Variants in PRKAG2 observed in about 807,000 individuals in gnomAD.
PRKAG2 encodes the protein protein kinase AMP-activated non-catalytic subunit gamma 2, also known as 5'-AMP-activated protein kinase subunit gamma-2.
A neutral mutation model predicts 69.6 loss-of-function variants in PRKAG2; 26 were observed. The ratio of observed to expected loss-of-function variants is 0.37; its 90% CI spans 0.27 to 0.52. The LOEUF (loss-of-function observed/expected upper bound fraction) is 0.52. PRKAG2 is among the 20% of genes least tolerant of loss of function. The pLI is 0.90. For missense variants in PRKAG2, 557 were observed against 740.0 expected (o/e 0.75, Z 2.87); for synonymous variants, 293 against 285.0 (o/e 1.03, Z -0.28).
intron 4 of PRKAG2, among the ~76,000 whole-genome samples, chr7:151,659,616 G>A (rs183529875): frequency 5.3e-5 from 8 of 152,312 alleles, no homozygotes; most frequent in Non-Finnish European, 8.8e-5. Flanking sequence ...TTAATGCCTG[G>A]TGGGAAACAG....
chr7:151,677,734 C>T (rs1207543233), intron 3 of PRKAG2, among the ~76,000 whole-genome samples: 1 of 152,186 alleles, frequency 6.6e-6, no homozygotes, highest in East Asian at 1.9e-4. Flanking sequence ...CTGTTCCAAC[C>T]GTGTTCAAGT....
chr7:151,653,476 G>A (rs1267515872), intron 4 of PRKAG2, among the ~76,000 whole-genome samples: 2 of 152,120 alleles, frequency 1.3e-5, no homozygotes, highest in Non-Finnish European at 2.9e-5. Context: ...CAGGCTACTA[G>A]AATCCAAATC....
chr7:151,634,846 C>G (rs1317304347), intron 4 of PRKAG2, among the ~76,000 whole-genome samples: 1 of 151,864 alleles, frequency 6.6e-6, no homozygotes, highest in Non-Finnish European at 1.5e-5. Flanking sequence ...TGGCTAAAAT[C>G]ACAATAGTAA....
intron 5 of PRKAG2, among the ~76,000 whole-genome samples, chr7:151,596,990 G>A (rs1419531430): frequency 1.3e-5 from 2 of 151,796 alleles, no homozygotes; most frequent in Non-Finnish European, 2.9e-5. Context: ...TGAGCAAAAA[G>A]AACAAAGCTG....
chr7:151,642,352 A>G (rs1826874877), intron 4 of PRKAG2, among the ~76,000 whole-genome samples: 1 of 151,940 alleles, frequency 6.6e-6, no homozygotes, highest in African/African-American at 2.4e-5. Context: ...CAAACAAACA[A>G]ACAACAAACA....
Position 151,572,766 on chromosome 7 carries a change from T to G in PRKAG2, c.1006-57A>C. The stretch of plus-strand genomic sequence containing the variant: ...TACATATACAACATAGAAAAAATAT[T>G]TGGAAAATGAAACAAAACATAGCTT... On this transcript the variant is annotated intron_variant, in intron 8 of 15. Coordinates refer to ENST00000287878, the MANE Select transcript of PRKAG2 (RefSeq NM_016203.4). The G allele has an allele frequency of 4.5e-6, 5 of 1,116,766 alleles. No homozygotes were observed. In the South Asian group the frequency reaches 7.4e-5, roughly 17 times the overall value. 69.2% of individuals were successfully genotyped at this position (1,116,766 alleles called of 1,614,324 possible).
At chr7:151,866,468 C>T (rs927708403) in intron 1 of PRKAG2, among the ~76,000 whole-genome samples, 10 of 152,280 alleles carry the variant, frequency 6.6e-5, no homozygotes, top group Admixed American at 4.6e-4. Context: ...TAAAAGCACA[C>T]GTCTGGCATA....
At position 151,689,377 on chromosome 7, in the gene PRKAG2, A is replaced by C. The variant is rs943991237; in HGVS notation, c.467-13740T>G. 2.0e-5 allele frequency among the ~76,000 whole-genome samples: 3 copies of C among 152,308 alleles called. No individual in the cohort carries two copies. In the East Asian group the frequency reaches 5.8e-4, roughly 29 times the overall value. Reference sequence around the variant, plus strand: ...TGTGGGTGATGCAGGGAGGGCTTTCAGTCACCATCCCCTCCTGGAAGTGTA... The same window carrying C: ...TGTGGGTGATGCAGGGAGGGCTTTCCGTCACCATCCCCTCCTGGAAGTGTA... On this transcript the variant is annotated intron_variant, in intron 3 of 15. Transcript: ENST00000287878.
At chr7:151,710,424 ACT>A (rs1281497837) in intron 3 of PRKAG2, among the ~76,000 whole-genome samples, 1 of 152,106 alleles carries the variant, frequency 6.6e-6, no homozygotes, top group African/African-American at 2.4e-5. Flanking sequence ...CCGCTGCCAC[ACT>A]GAGGCCACAT....
chr7:151,644,156 C>G (rs1827191560), intron 4 of PRKAG2, among the ~76,000 whole-genome samples: 1 of 152,008 alleles, frequency 6.6e-6, no homozygotes, highest in Non-Finnish European at 1.5e-5. Flanking sequence ...GATGGATGCA[C>G]CAGGATCTTA....
chr7:151,714,210 G>A (rs1034433576), intron 3 of PRKAG2, among the ~76,000 whole-genome samples: 2 of 152,166 alleles, frequency 1.3e-5, no homozygotes, highest in African/African-American at 2.4e-5. Flanking sequence ...CAGAGTCAGC[G>A]CTCATTAAAC....
At chr7:151,683,199 G>A (rs1834150406) in intron 3 of PRKAG2, among the ~76,000 whole-genome samples, 1 of 152,230 alleles carries the variant, frequency 6.6e-6, no homozygotes, top group South Asian at 2.1e-4. Flanking sequence ...GGGGAGCCAT[G>A]GGCTGGTGAC....
chr7:151,823,049 G>A (rs556132368), intron 1 of PRKAG2, among the ~76,000 whole-genome samples: 124 of 116,744 alleles, frequency 1.1e-3, no homozygotes, highest in Non-Finnish European at 1.8e-3. Flanking sequence ...ACCCCACAGC[G>A]GAAAACGCAA....
intron 3 of PRKAG2, among the ~76,000 whole-genome samples, chr7:151,683,883 G>A (rs928841050): frequency 1.1e-4 from 16 of 152,316 alleles, no homozygotes; most frequent in Middle Eastern, 3.4e-3. Flanking sequence ...CCAGAACCCA[G>A]CCTCTGATGT....
At chr7:151,866,034 A>C (rs2151910185) in intron 1 of PRKAG2, among the ~76,000 whole-genome samples, 1 of 151,904 alleles carries the variant, frequency 6.6e-6, no homozygotes, top group African/African-American at 2.4e-5. Context: ...AAAAAAAAAA[A>C]AGAAAAAGAA....
rs1043127092 is a variant in PRKAG2, at chr7:151,784,963, G to A, written c.186+1507C>T. ...CCAGGCGGAGGGACAGGCCTGCTGG[G>A]GTGGGCTGCGTGGCGGTGCAGATAA... On this transcript the variant is annotated intron_variant, in intron 2 of 15. Coordinates refer to ENST00000287878, the MANE Select transcript of PRKAG2 (RefSeq NM_016203.4). 6.6e-5 allele frequency among the ~76,000 whole-genome samples: 10 copies of A among 152,356 alleles called. No individual in the cohort carries two copies. The South Asian group carries it at 1.2e-3, about 19-fold the overall frequency.
At chr7:151,734,062 G>A (rs144198637) in intron 3 of PRKAG2, among the ~76,000 whole-genome samples, 8 of 151,958 alleles carry the variant, frequency 5.3e-5, no homozygotes, top group African/African-American at 9.7e-5. Context: ...TCGATTAGAC[G>A]CCGCTCTCTA....
intron 3 of PRKAG2, among the ~76,000 whole-genome samples, chr7:151,731,483 G>C (rs978331154): frequency 6.6e-6 from 1 of 152,154 alleles, no homozygotes; most frequent in Non-Finnish European, 1.5e-5. Flanking sequence ...GTGATTCCGG[G>C]GGCTGCAGGG....
chr7:151,710,305 C>T lies in PRKAG2; in HGVS notation c.467-34668G>A, dbSNP rs373219443. 4.5e-4 allele frequency among the ~76,000 whole-genome samples: 68 copies of T among 152,300 alleles called. 1 individual carries two copies. The South Asian group carries it at 0.013, about 30-fold the overall frequency. Reference sequence around the variant, plus strand: ...CTGTCTCTATCTCAGTGCGTGGCACCCCTGTCCCCCAGCTGCCGAGGCTTC... The same window carrying T: ...CTGTCTCTATCTCAGTGCGTGGCACTCCTGTCCCCCAGCTGCCGAGGCTTC... On this transcript the variant is annotated intron_variant, in intron 3 of 15. Coordinates refer to ENST00000287878, the MANE Select transcript of PRKAG2 (RefSeq NM_016203.4).
Sources: allele counts gnomAD v4.1 joint callset (sites outside exome capture counted in the v4.1 genomes callset), GRCh38; gene constraint gnomAD v4.1.1; transcripts MANE v1.5; gene names NCBI Gene and HGNC (gene_info 2026-07-23, HGNC 2026-07-21).